A2ML1: variants seen among roughly 807,000 people sequenced by gnomAD.
A2ML1 encodes alpha-2-macroglobulin like 1.
A2ML1 carries 161 observed loss-of-function variants against 181.9 expected under a neutral mutation model. The observed-to-expected ratio is 0.89, with a 90% CI of 0.78 to 1.01. The LOEUF is 1.01. Ranked by LOEUF, A2ML1 falls within the 50% of genes least tolerant of loss-of-function variation. The probability of loss-of-function intolerance (pLI) is 0.00; values close to 1 mark genes in which losing one functional copy is unlikely to be tolerated. For missense variants in A2ML1, 1,670 were observed against 1,768.1 expected (o/e 0.94, Z 1.00); for synonymous variants, 663 against 666.8 (o/e 0.99, Z 0.09).
In A2ML1 at chr12:8,829,779, G is replaced by C. The variant is rs762811758; in HGVS notation, c.462G>C (p.Lys154Asn). The change falls in exon 4 of 36, where the codon AAG becomes AAC. Residue 154 changes from lysine (K) to asparagine (N), a missense_variant and splice_region_variant. Lys to Asn is a moderately conservative substitution (Grantham distance 94, BLOSUM62 0). Transcript: ENST00000299698. The stretch of plus-strand genomic sequence containing the variant: ...GCAACTTCGTTCCAGTGAATGACAA[G>C]GTGAGTTGGGAGGAGGAGAAGGAGT... ...MDSNFVPVND[K>N]YSMVELQDPN... 6.2e-7 allele frequency: 1 copy of C among 1,613,970 alleles called. No homozygotes were observed. The highest frequency in any genetic ancestry group is 2.2e-5 in the East Asian group (1 of 44,890).
chr12:8,852,320 C>G lies in A2ML1; in HGVS notation c.2574C>G (p.Ile858Met), dbSNP rs758219892. Residue 858 changes from isoleucine to methionine, a missense_variant, in exon 20 of 36, where the codon ATC becomes ATG. Transcript: ENST00000299698. This position sits in a 1 kb window ranked among gnomAD's most constrained non-coding sequence, Gnocchi z 4.2. ...ADDAKTHHWN[I>M]TAVKLGHINF... ...ACGCAAAAACCCACCACTGGAACAT[C>G]ACAGCTGTCAAATTGGGTAAGAGAG... 25 of 1,614,132 alleles carry G rather than the reference C, an allele frequency of 1.5e-5. No individual in the cohort carries two copies. The highest frequency in any genetic ancestry group is 2.1e-5 in the Non-Finnish European group (25 of 1,180,024).
intron 27 of A2ML1, 60 bp downstream of exon 27, chr12:8,861,015 T>C: frequency 2.5e-6 from 4 of 1,604,854 alleles, no homozygotes; most frequent in Non-Finnish European, 3.4e-6. Context: ...CCTAGAGACA[T>C]TCACCCATCT....
intron 12 of A2ML1, among the ~76,000 whole-genome samples, chr12:8,843,955 C>T (rs1352653883): frequency 6.6e-6 from 1 of 152,010 alleles, no homozygotes; most frequent in African/African-American, 2.4e-5. Context: ...CTCCTGACCT[C>T]GTGATCCACC....
intron 14 of A2ML1, 104 bp downstream of exon 14, chr12:8,846,326 T>C (rs1943685884): frequency 1.5e-6 from 2 of 1,326,892 alleles, no homozygotes; most frequent in Admixed American, 1.8e-5. Flanking sequence ...GAAGATAGTG[T>C]TGACGTTGGA....
chr12:8,859,537 G>A (rs1040508309), intron 26 of A2ML1, among the ~76,000 whole-genome samples: 3 of 152,044 alleles, frequency 2.0e-5, no homozygotes, highest in South Asian at 4.1e-4. Context: ...ACTAGAGCAA[G>A]ATCTCAGAGG....
intron 4 of A2ML1, among the ~76,000 whole-genome samples, chr12:8,830,198 C>T (rs1024565922): frequency 1.3e-5 from 2 of 151,872 alleles, no homozygotes; most frequent in African/African-American, 2.4e-5. Flanking sequence ...ATTACAGGCG[C>T]GCACCATCAC....
intron 29 of A2ML1, among the ~76,000 whole-genome samples, chr12:8,866,249 G>T (rs1166778811): frequency 7.5e-6 from 1 of 133,650 alleles, no homozygotes; most frequent in African/African-American, 2.8e-5. Context: ...AGCTTGCAGT[G>T]AGCCAAGATC....
At chr12:8,868,475 T>TGTGC (rs1555117780) in intron 31 of A2ML1, 62 bp from the exon 32 acceptor site, 4 of 1,595,440 alleles carry the variant, frequency 2.5e-6, no homozygotes, top group Non-Finnish European at 2.6e-6. Context: ...TGTGTGTGTG[T>TGTGC]TGGGGATGCA....
Position 8,866,679 on chromosome 12 carries a change from C to A in A2ML1, c.3718-1163C>A, listed in dbSNP as rs764210024. On this transcript the variant is annotated intron_variant, in intron 29 of 35. Transcript: ENST00000299698. ...AGTAAAAAACCTCCCTGGCTCCAGT[C>A]CACAAAAGGTAAACAAAAATTGTTT... 9.9e-5 allele frequency among the ~76,000 whole-genome samples: 15 copies of A among 152,266 alleles called. No individual in the cohort carries two copies. The East Asian group carries it at 2.7e-3, about 27-fold the overall frequency.
At chr12:8,863,669 T>A (rs374644950) in intron 28 of A2ML1, 125 bp from the exon 29 acceptor site, 1 of 883,230 alleles carries the variant, frequency 1.1e-6, no homozygotes, top group Admixed American at 2.8e-5. Flanking sequence ...TCTAAGAAAT[T>A]TTTTTTCTAC....
At position 8,834,676 on chromosome 12, in the gene A2ML1, A is replaced by G. The variant is rs1454149418; in HGVS notation, c.477A>G (p.Glu159=). ...VPVNDKYSMV[E]LQDPNSNRIA... is the part of the protein sequence containing the mutation. ...TTCCTTTTCAGTACTCCATGGTGGAACTACAGGTAAGCGGAAGTTTCTTTC... is the reference window on the plus strand; with the variant it reads ...TTCCTTTTCAGTACTCCATGGTGGAGCTACAGGTAAGCGGAAGTTTCTTTC... The change falls in exon 5 of 36, where the codon GAA becomes GAG. Residue 159 remains glutamate (E), a synonymous_variant. Transcript: ENST00000299698. 1 of 1,614,250 alleles carries G rather than the reference A, an allele frequency of 6.2e-7. No homozygotes were observed. The highest frequency in any genetic ancestry group is 8.5e-7 in the Non-Finnish European group (1 of 1,180,048).
At position 8,823,256 on chromosome 12, in the gene A2ML1, G is replaced by T. The variant is rs757200771; in HGVS notation, c.137G>T (p.Gly46Val). 2.5e-6 allele frequency: 4 copies of T among 1,613,928 alleles called. No individual in the cohort carries two copies. The African/African-American group carries it at 5.3e-5, about 22-fold the overall frequency. The change falls in exon 2 of 36, where the codon GGG becomes GTG. Residue 46 changes from glycine to valine, a missense_variant. By Grantham distance (109) the Gly-to-Val change is moderately radical. Coordinates refer to ENST00000299698, the MANE Select transcript of A2ML1 (RefSeq NM_144670.6). ...VQKVCLDLSP[G>V]YSDVKFTVTL... ...AAGGTTTGTTTGGACCTGAGCCCTGGGTACAGTGATGTTAAATTCACGGTT... is the reference window on the plus strand; with the variant it reads ...AAGGTTTGTTTGGACCTGAGCCCTGTGTACAGTGATGTTAAATTCACGGTT...
At chr12:8,849,088 A>G (rs1943801507) in intron 16 of A2ML1, among the ~76,000 whole-genome samples, 174 bp downstream of exon 16, 1 of 152,238 alleles carries the variant, frequency 6.6e-6, no homozygotes, top group Non-Finnish European at 1.5e-5. Context: ...CTTGAAGAAG[A>G]TGTCCAACCT....
At chr12:8,849,623 T>A in intron 16 of A2ML1, 46 bp from the exon 17 acceptor site, 1 of 1,488,938 alleles carries the variant, frequency 6.7e-7, no homozygotes, top group Non-Finnish European at 9.4e-7. Flanking sequence ...GCCCTTGTAG[T>A]TGGGGAAGGG....
At chr12:8,880,669 T>G (rs1489171943), downstream of A2ML1, 1 of 152,176 alleles carries the variant, frequency 6.6e-6, no homozygotes, top group Non-Finnish European at 1.5e-5. Flanking sequence ...ACTCAGCAGC[T>G]ACTCAGCTTA....
chr12:8,874,494 G>A lies in A2ML1; in HGVS notation c.4291G>A (p.Ala1431Thr). 1 of 1,613,986 alleles carries A rather than the reference G, an allele frequency of 6.2e-7. No individual in the cohort carries two copies. The highest frequency in any genetic ancestry group is 8.5e-7 in the Non-Finnish European group (1 of 1,179,940). Residue 1431 changes from alanine (A) to threonine (T), a missense_variant, in exon 34 of 36, where the codon GCA becomes ACA. By Grantham distance (58) the Ala-to-Thr change is moderately conservative. Transcript: ENST00000299698. ...TGTGCTGGTCACCAACTTGAAACCA[G>A]CAACCATCAAGGTCTATGACTACTA... ...QSVLVTNLKP[A>T]TIKVYDYYLP...
intron 22 of A2ML1, 58 bp from the exon 23 acceptor site, chr12:8,855,451 G>A: frequency 6.4e-7 from 1 of 1,557,230 alleles, no homozygotes; most frequent in South Asian, 1.1e-5. Flanking sequence ...ATTTTGTCTT[G>A]AGAACCCCTG....
intron 32 of A2ML1, 123 bp downstream of exon 32, chr12:8,868,750 A>T: frequency 1.4e-6 from 1 of 698,464 alleles, no homozygotes; most frequent in East Asian, 2.7e-5. Context: ...ATGTATATAC[A>T]TACATATATA....
At chr12:8,851,026 A>G (rs1213008919) in intron 18 of A2ML1, among the ~76,000 whole-genome samples, 1 of 152,212 alleles carries the variant, frequency 6.6e-6, no homozygotes, top group Non-Finnish European at 1.5e-5. Context: ...GGTGTGAGCC[A>G]CTGCGCCCGG....
Sources: allele counts gnomAD v4.1 joint callset (sites outside exome capture counted in the v4.1 genomes callset), GRCh38; gene constraint gnomAD v4.1.1; non-coding constraint Gnocchi (gnomAD v3.1); transcripts MANE v1.5; gene names NCBI Gene and HGNC (gene_info 2026-07-23, HGNC 2026-07-21).